Variants in CNOT4 observed in about 807,000 individuals in gnomAD.
CNOT4 encodes the protein CCR4-associated factor 4.
A neutral mutation model predicts 73.8 loss-of-function variants in CNOT4; 8 were observed. The ratio of observed to expected loss-of-function variants is 0.11; its 90% CI spans 0.06 to 0.20. CNOT4 has a LOEUF of 0.20. Ranked by LOEUF, CNOT4 falls within the 10% of genes least tolerant of loss-of-function variation. The pLI, the probability that CNOT4 is intolerant of heterozygous loss-of-function variation, is 1.00. For missense variants in CNOT4, 564 were observed against 883.4 expected, an observed-to-expected ratio of 0.64 and a Z score of 4.58; for synonymous variants, 293 against 321.1, an observed-to-expected ratio of 0.91 and a Z score of 0.94.
intron 10 of CNOT4, chr7:135,384,598 A>G: frequency 1.3e-6 from 1 of 751,340 alleles, no homozygotes; most frequent in Non-Finnish European, 2.4e-6. Context: ...CACCTCTCTT[A>G]AGCTATACCA....
intron 1 of CNOT4, among the ~76,000 whole-genome samples, chr7:135,445,594 C>T (rs1464994777): frequency 6.6e-6 from 1 of 152,156 alleles, no homozygotes; most frequent in Non-Finnish European, 1.5e-5. Flanking sequence ...AGATTTATTT[C>T]TCAAATGTGT....
In CNOT4 at chr7:135,363,441, C is replaced by T. The variant is rs1260211238; in HGVS notation, c.1841-255G>A. ...GGCAGAGCTGCAAAACACCATTCCC[C>T]AGAACTGCCTGATGGCATTTCCCAA... On this transcript the variant is annotated intron_variant, in intron 11 of 11. Coordinates refer to ENST00000541284, the MANE Select transcript of CNOT4 (RefSeq NM_001190850.2). The surrounding 1 kb of genome is among the most constrained non-coding windows in gnomAD (Gnocchi z 4.3). 6.6e-6 allele frequency among the ~76,000 whole-genome samples: 1 copy of T among 152,218 alleles called. No individual in the cohort carries two copies. Among genetic ancestry groups the T allele is most frequent in the Non-Finnish European group, 1.5e-5 (1 of 68,038 alleles).
At position 135,394,554 on chromosome 7, in the gene CNOT4, T is replaced by A. The variant is rs1371333305; in HGVS notation, c.1130-139A>T. ...AAATCTATGTGACTTCTTAGCACAT[T>A]AAGATCATATAATTACAAAAGGCCT... is the stretch of plus-strand genomic sequence containing the variant. On this transcript the variant is annotated intron_variant, in intron 9 of 11. Transcript: ENST00000541284. 4.6e-5 allele frequency: 32 copies of A among 688,406 alleles called. 1 individual carries two copies. In the South Asian group the frequency reaches 5.9e-4, roughly 13 times the overall value. The allele number at this position is 688,406 out of a possible 1,614,324, so 42.6% of individuals were successfully genotyped here. A position where few individuals can be genotyped will look rare whatever the true frequency, so the allele number is the denominator to read the frequency against.
chr7:135,487,432 G>C (rs913333444), intron 1 of CNOT4, among the ~76,000 whole-genome samples: 3 of 151,692 alleles, frequency 2.0e-5, no homozygotes, highest in Non-Finnish European at 4.4e-5. Flanking sequence ...TAGAGATGCA[G>C]TATCCGTATG....
rs140181362 is a variant in CNOT4 at position 135,381,918 on chromosome 7, A to G, written c.1627+12000T>C. On this transcript the variant is annotated intron_variant, in intron 10 of 11. Coordinates refer to ENST00000541284, the MANE Select transcript of CNOT4 (RefSeq NM_001190850.2). ...GTCTGAGCACCCAACAGGAGCTGGAATAACAAAATTGTTATAAGCACAGTA... is the reference window on the plus strand; with the variant it reads ...GTCTGAGCACCCAACAGGAGCTGGAGTAACAAAATTGTTATAAGCACAGTA... Among the ~76,000 whole-genome samples, 24 of 152,324 alleles carry G rather than the reference A, an allele frequency of 1.6e-4. No individual in the cohort carries two copies. In the East Asian group the frequency reaches 3.3e-3, roughly 21 times the overall value.
At chr7:135,385,869 C>T (rs1201181887) in intron 10 of CNOT4, among the ~76,000 whole-genome samples, 1 of 152,008 alleles carries the variant, frequency 6.6e-6, no homozygotes, top group Non-Finnish European at 1.5e-5. Context: ...TTTATTCAAC[C>T]TTGTATCTCT....
chr7:135,452,219 A>G (rs1315382756), intron 1 of CNOT4, among the ~76,000 whole-genome samples: 1 of 152,150 alleles, frequency 6.6e-6, no homozygotes, highest in South Asian at 2.1e-4. Context: ...AGCCTGGGTG[A>G]CAGAGTAAGA....
intron 3 of CNOT4, among the ~76,000 whole-genome samples, chr7:135,419,745 A>C (rs1585615369): frequency 6.6e-6 from 1 of 152,250 alleles, no homozygotes; most frequent in East Asian, 1.9e-4. Flanking sequence ...GGAAATAAGA[A>C]ATCTCTGTAA....
At chr7:135,483,396 G>C (rs184771317) in intron 1 of CNOT4, among the ~76,000 whole-genome samples, 2 of 151,858 alleles carry the variant, frequency 1.3e-5, no homozygotes, top group African/African-American at 4.8e-5. Context: ...AACCAAATGG[G>C]ATTTATTCCA....
chr7:135,404,649 C>T (rs544679062), intron 7 of CNOT4, among the ~76,000 whole-genome samples: 1 of 152,092 alleles, frequency 6.6e-6, no homozygotes, highest in Non-Finnish European at 1.5e-5. Context: ...TTCTGCTGAA[C>T]TAATAAGGTA....
chr7:135,378,358 G>T (rs952887999), intron 10 of CNOT4, among the ~76,000 whole-genome samples: 6 of 152,054 alleles, frequency 3.9e-5, no homozygotes, highest in Non-Finnish European at 7.4e-5. Flanking sequence ...ACAAAAATTA[G>T]CCAGGCATGG....
rs1184500058 is a variant in CNOT4, at chr7:135,422,255, C to T, written c.273G>A (p.Gln91=). The part of the protein sequence containing the change: ...EKKQKQNERK[Q]KISENRKHLA... ...AATGTTTGCGATTTTCTGATATTTT[C>T]TGTTTTCTCTCATTTTGTTTCTGTT... is the stretch of plus-strand genomic sequence containing the variant. Residue 91 remains glutamine, a synonymous_variant, in exon 3 of 12, where the codon CAG becomes CAA. Coordinates refer to ENST00000541284, the MANE Select transcript of CNOT4 (RefSeq NM_001190850.2). The T allele has an allele frequency of 1.3e-6, 2 of 1,595,182 alleles. No individual in the cohort carries two copies. The highest frequency in any genetic ancestry group is 1.1e-5 in the South Asian group (1 of 90,732).
At chr7:135,366,496 T>A (rs1794922273) in intron 10 of CNOT4, among the ~76,000 whole-genome samples, 1 of 152,208 alleles carries the variant, frequency 6.6e-6, no homozygotes, top group South Asian at 2.1e-4. Context: ...GAAATTCACA[T>A]ATGGCGCATG....
chr7:135,406,196 G>A (rs933613286), intron 7 of CNOT4, among the ~76,000 whole-genome samples: 6 of 151,960 alleles, frequency 3.9e-5, no homozygotes, highest in African/African-American at 1.2e-4. Flanking sequence ...CAGACCTTTC[G>A]CTATGACTGA....
intron 1 of CNOT4, among the ~76,000 whole-genome samples, chr7:135,438,627 A>C (rs1409824347): frequency 1.3e-5 from 2 of 152,222 alleles, no homozygotes; most frequent in Admixed American, 6.5e-5. Flanking sequence ...GATTCAACAT[A>C]AATAAAAAAG....
At chr7:135,380,137 AC>A (rs1563014619) in intron 10 of CNOT4, among the ~76,000 whole-genome samples, 1 of 152,084 alleles carries the variant, frequency 6.6e-6, no homozygotes, top group East Asian at 1.9e-4. Context: ...AAAAAAAAAA[AC>A]AAAAAAACCC....
intron 10 of CNOT4, among the ~76,000 whole-genome samples, chr7:135,372,713 C>CA (rs1563010738): frequency 6.6e-6 from 1 of 152,138 alleles, no homozygotes; most frequent in African/African-American, 2.4e-5. Context: ...CACACCATCA[C>CA]ACCCGGCTAA....
chr7:135,423,587 T>C (rs1798313905), intron 2 of CNOT4, among the ~76,000 whole-genome samples: 1 of 152,068 alleles, frequency 6.6e-6, no homozygotes, highest in Non-Finnish European at 1.5e-5. Context: ...TACCCTGAGG[T>C]CTCCAAGAAC....
At chr7:135,444,191 T>G (rs1199518857) in intron 1 of CNOT4, among the ~76,000 whole-genome samples, 1 of 151,798 alleles carries the variant, frequency 6.6e-6, no homozygotes, top group East Asian at 1.9e-4. Flanking sequence ...GAATGTAAGG[T>G]AGTACAGACA....
Sources: gnomAD v4.1 joint callset for allele counts (sites outside exome capture counted in the v4.1 genomes callset) on GRCh38, gnomAD v4.1.1 for gene constraint, Gnocchi (gnomAD v3.1) non-coding constraint, MANE v1.5 for transcripts, NCBI Gene and HGNC (gene_info 2026-07-23, HGNC 2026-07-21) for gene names.